The following CHRM3 variants were observed in gnomAD, a reference collection of about 807,000 sequenced individuals.
CHRM3 encodes the protein muscarinic acetylcholine receptor M3.
In CHRM3, 11 loss-of-function variants were observed where a neutral mutation model predicts 41.8. The observed-to-expected ratio is 0.26, with a 90% CI of 0.17 to 0.44. CHRM3 has a LOEUF of 0.44. Ranked by LOEUF, CHRM3 falls within the 20% of genes least tolerant of loss-of-function variation. CHRM3 has a pLI of 1.00. For synonymous variants in CHRM3, 297 were observed against 301.4 expected (o/e 0.99, Z 0.15); for missense variants, 571 against 745.4 (o/e 0.77, Z 2.72).
intron 6 of CHRM3, among the ~76,000 whole-genome samples, chr1:239,847,020 C>T (rs1674322426): frequency 6.6e-6 from 1 of 152,168 alleles, no homozygotes; most frequent in South Asian, 2.1e-4. Context: ...GCTGATATGC[C>T]ATCTCCATGT....
chr1:239,606,783 A>G (rs1212857402), intron 3 of CHRM3, among the ~76,000 whole-genome samples: 4 of 152,172 alleles, frequency 2.6e-5, no homozygotes, highest in African/African-American at 7.2e-5. Context: ...TTTGATTTGT[A>G]ACTTTAATGA....
chr1:239,446,116 T>C (rs1572333760), intron 1 of CHRM3, among the ~76,000 whole-genome samples: 1 of 152,216 alleles, frequency 6.6e-6, no homozygotes, highest in East Asian at 1.9e-4. Flanking sequence ...TTTGTATTTT[T>C]AGTAGAGATG....
intron 3 of CHRM3, among the ~76,000 whole-genome samples, chr1:239,564,747 C>T (rs1661190910): frequency 6.6e-6 from 1 of 152,098 alleles, no homozygotes; most frequent in Non-Finnish European, 1.5e-5. Context: ...TATGTGAAAA[C>T]ACTTTTAAGG....
intron 2 of CHRM3, among the ~76,000 whole-genome samples, chr1:239,500,827 A>G (rs1668193321): frequency 6.6e-6 from 1 of 152,184 alleles, no homozygotes; most frequent in South Asian, 2.1e-4. Flanking sequence ...CACTTAAAAG[A>G]TACAGAAACA....
chr1:239,403,131 C>T (rs1420334702), intron 1 of CHRM3, among the ~76,000 whole-genome samples: 1 of 152,142 alleles, frequency 6.6e-6, no homozygotes. Flanking sequence ...GTAAATAACT[C>T]TCCTTGTCCT....
chr1:239,711,253 C>A (rs1318182328), intron 5 of CHRM3, among the ~76,000 whole-genome samples: 1 of 152,008 alleles, frequency 6.6e-6, no homozygotes, highest in Non-Finnish European at 1.5e-5. Flanking sequence ...AGTTTTCTTG[C>A]TCCTCTGAGA....
rs772247530 is a variant in CHRM3 at position 239,907,794 on chromosome 1, C to G, written c.343C>G (p.Leu115Val). 3 of 1,614,094 alleles carry G rather than the reference C, an allele frequency of 1.9e-6. No homozygotes were observed. Residue 115 changes from leucine to valine, a missense_variant, in exon 7 of 7, where the codon CTG becomes GTG. Leu to Val is a conservative substitution (Grantham distance 32, BLOSUM62 1). This residue lies in a region of CHRM3 where 153 missense variants were observed against 296.3 expected (regional missense o/e 0.52). Transcript: ENST00000676153. This position sits in a 1 kb window ranked among gnomAD's most constrained non-coding sequence, Gnocchi z 5.4. Reference protein sequence around the residue: ...YFLLSLACADLIIGVISMNLF... With the variant: ...YFLLSLACADVIIGVISMNLF... ...CCTCTTAAGCCTGGCCTGTGCCGAT[C>G]TGATTATCGGGGTCATTTCAATGAA... is the stretch of plus-strand genomic sequence containing the variant.
In CHRM3 at chr1:239,805,236, C is replaced by T. The variant is rs12073234; in HGVS notation, c.-146-22016C>T. On this transcript the variant is annotated intron_variant, in intron 5 of 6. Transcript: ENST00000676153. ...GTTCATTCAGACCGTGAATCACTGG[C>T]AGACCTGCTAGTCCAGCGCAGATGA... is the stretch of plus-strand genomic sequence containing the variant. 8.5e-3 allele frequency among the ~76,000 whole-genome samples: 1,288 copies of T among 152,294 alleles called. 15 individuals carry two copies. The highest frequency in any genetic ancestry group is 0.029 in the African/African-American group (1,197 of 41,562).
intron 4 of CHRM3, among the ~76,000 whole-genome samples, chr1:239,667,090 CT>C (rs1673884953): frequency 6.6e-6 from 1 of 152,070 alleles, no homozygotes; most frequent in South Asian, 2.1e-4. Context: ...GGTAGATCAT[CT>C]TTATATTTTC....
chr1:239,558,766 G>GT (rs1660608866), intron 3 of CHRM3, among the ~76,000 whole-genome samples: 1 of 152,082 alleles, frequency 6.6e-6, no homozygotes, highest in Non-Finnish European at 1.5e-5. Flanking sequence ...CAGGTCAAAA[G>GT]TTTTTGCCTT....
intron 2 of CHRM3, among the ~76,000 whole-genome samples, chr1:239,533,260 T>TC: frequency 6.6e-6 from 1 of 152,116 alleles, no homozygotes; most frequent in East Asian, 1.9e-4. Context: ...AGTCCGTCCT[T>TC]ACACTGCTAT....
chr1:239,395,753 T>C (rs1659426616), intron 1 of CHRM3, among the ~76,000 whole-genome samples: 1 of 152,218 alleles, frequency 6.6e-6, no homozygotes, highest in Non-Finnish European at 1.5e-5. Flanking sequence ...TTTAGCTTTG[T>C]ATCTTTTCTT....
intron 5 of CHRM3, among the ~76,000 whole-genome samples, chr1:239,712,583 T>C (rs1661917456): frequency 6.6e-6 from 1 of 152,234 alleles, no homozygotes; most frequent in Non-Finnish European, 1.5e-5. Flanking sequence ...CAGTGCCTGT[T>C]GCTAGCATTT....
intron 5 of CHRM3, among the ~76,000 whole-genome samples, chr1:239,679,475 G>A (rs374260163): frequency 2.6e-5 from 4 of 152,090 alleles, no homozygotes; most frequent in Admixed American, 2.0e-4. Flanking sequence ...CTGAACAGGA[G>A]GGAGGGAGAG....
chr1:239,747,365 G>A (rs1463949967), intron 5 of CHRM3, among the ~76,000 whole-genome samples: 3 of 152,146 alleles, frequency 2.0e-5, no homozygotes, highest in Admixed American at 6.5e-5. Flanking sequence ...GTTCAAGTTT[G>A]TAGTAAGTCC....
At chr1:239,606,554 G>C (rs575252155) in intron 3 of CHRM3, among the ~76,000 whole-genome samples, 1 of 152,152 alleles carries the variant, frequency 6.6e-6, no homozygotes, top group Admixed American at 6.5e-5. Context: ...GATTATAGGC[G>C]TGAGCCATCG....
At chr1:239,904,856 A>G (rs1273781406) in intron 6 of CHRM3, among the ~76,000 whole-genome samples, 1 of 152,128 alleles carries the variant, frequency 6.6e-6, no homozygotes, top group Non-Finnish European at 1.5e-5. Flanking sequence ...CAAATTTTGT[A>G]TTATTTCAAA....
chr1:239,387,690 A>G lies in CHRM3; in HGVS notation c.-521+463A>G, dbSNP rs1276349883. Among the ~76,000 whole-genome samples, 2 of 152,042 alleles carry G rather than the reference A, an allele frequency of 1.3e-5. No homozygotes were observed. The highest frequency in any genetic ancestry group is 4.8e-5 in the African/African-American group (2 of 41,408). ...CTCGTGTGTTGAGCGTTTGTCTCCC[A>G]TCTCCCCATTTGGTTTCCTGTCATT... On this transcript the variant is annotated intron_variant, in intron 1 of 6. Coordinates refer to ENST00000676153, the MANE Select transcript of CHRM3 (RefSeq NM_001375978.1). The surrounding 1 kb of genome is among the most constrained non-coding windows in gnomAD (Gnocchi z 5.1).
chr1:239,861,046 CT>C (rs1222978896), intron 6 of CHRM3, among the ~76,000 whole-genome samples: 2 of 152,080 alleles, frequency 1.3e-5, no homozygotes, highest in Non-Finnish European at 2.9e-5. Context: ...GGAACTAGGA[CT>C]CAAAATTAGA....
Sources: allele counts gnomAD v4.1 joint callset (sites outside exome capture counted in the v4.1 genomes callset), GRCh38; gene constraint gnomAD v4.1.1; regional missense constraint gnomAD v4.1.1; non-coding constraint Gnocchi (gnomAD v3.1); transcripts MANE v1.5; gene names NCBI Gene and HGNC (gene_info 2026-07-23, HGNC 2026-07-21).